Variants in BICDL1 observed in about 807,000 individuals in gnomAD.
The protein encoded by BICDL1 is BICD family-like cargo adapter 1.
Under a neutral mutation model 76.8 loss-of-function variants are expected in BICDL1, and 20 were observed. That is an observed-to-expected ratio of 0.26 (90% CI 0.18 to 0.38). The LOEUF is 0.38. Ranked by LOEUF, BICDL1 falls within the 10% of genes least tolerant of loss-of-function variation. The pLI, the probability that BICDL1 is intolerant of heterozygous loss-of-function variation, is 1.00. For synonymous variants in BICDL1, 383 were observed against 337.1 expected, an observed-to-expected ratio of 1.14 and a Z score of -1.49; for missense variants, 700 against 798.6, an observed-to-expected ratio of 0.88 and a Z score of 1.49.
At chr12:120,060,894 G>A (rs935375194) in intron 2 of BICDL1, among the ~76,000 whole-genome samples, 2 of 152,082 alleles carry the variant, frequency 1.3e-5, no homozygotes, top group Non-Finnish European at 2.9e-5. Flanking sequence ...GATCTCTCCC[G>A]AGAGAACCCA....
chr12:120,049,044 C>T (rs1952803064), intron 2 of BICDL1, among the ~76,000 whole-genome samples: 1 of 152,106 alleles, frequency 6.6e-6, no homozygotes, highest in Non-Finnish European at 1.5e-5. Flanking sequence ...CTGTCACTGT[C>T]CTTAAAAAGC....
intron 4 of BICDL1, among the ~76,000 whole-genome samples, chr12:120,069,683 C>T (rs1009490268): frequency 6.6e-6 from 1 of 152,118 alleles, no homozygotes; most frequent in African/African-American, 2.4e-5. Context: ...ACTCTTTTTC[C>T]CCTTAATTTT....
chr12:120,004,079 C>T (rs534632539), intron 2 of BICDL1, among the ~76,000 whole-genome samples: 15 of 152,318 alleles, frequency 9.8e-5, no homozygotes, highest in Admixed American at 8.5e-4. Flanking sequence ...CTGAGCAGAG[C>T]CTCACGTAGG....
In BICDL1 at chr12:120,092,263, G is replaced by A. The variant is rs568363939; in HGVS notation, c.1705-737G>A. The A allele has an allele frequency of 3.9e-5, 38 of 985,452 alleles. No individual in the cohort carries two copies. The South Asian group carries it at 1.3e-3, about 34-fold the overall frequency. 61.0% of individuals were successfully genotyped at this position (985,452 alleles called of 1,614,324 possible). ...GCTGTTCTGTAAAACATGGTGGGGC[G>A]GGCTGTGGGGAGGAAGGCATTTTCT... On this transcript the variant is annotated intron_variant, in intron 9 of 9. Transcript: ENST00000548673.
rs1047403234 is a variant in BICDL1, at chr12:119,990,862, C to T, written c.429+565C>T. 8.5e-5 allele frequency among the ~76,000 whole-genome samples: 13 copies of T among 152,318 alleles called. No individual in the cohort carries two copies. In the East Asian group the frequency reaches 2.5e-3, roughly 29 times the overall value. On this transcript the variant is annotated intron_variant, in intron 1 of 9. Coordinates refer to ENST00000548673, the MANE Select transcript of BICDL1 (RefSeq NM_001367886.1). ...AGAAATCAGGCGAGCCAGGGCTCAACATGTGACCGCTGGTAGTGGATTTAA... is the reference window on the plus strand; with the variant it reads ...AGAAATCAGGCGAGCCAGGGCTCAATATGTGACCGCTGGTAGTGGATTTAA...
intron 2 of BICDL1, among the ~76,000 whole-genome samples, chr12:120,060,472 G>A (rs1003082018): frequency 6.6e-6 from 1 of 152,130 alleles, no homozygotes; most frequent in Non-Finnish European, 1.5e-5. Flanking sequence ...GTTTTTTAAG[G>A]AGTCAGTTGT....
At chr12:120,083,785 A>G (rs1001326334) in intron 8 of BICDL1, among the ~76,000 whole-genome samples, 1 of 151,154 alleles carries the variant, frequency 6.6e-6, no homozygotes, top group Admixed American at 6.6e-5. Flanking sequence ...TCAGCCAAGT[A>G]GCTGGAATTA....
chr12:119,989,456 G>A lies in BICDL1; in HGVS notation c.-413G>A, dbSNP rs1425605227. 1.2e-5 allele frequency among the ~76,000 whole-genome samples: 1 copy of A among 82,926 alleles called. No individual in the cohort carries two copies. Among genetic ancestry groups the A allele is most frequent in the African/African-American group, 6.0e-5 (1 of 16,644 alleles). The allele number at this position is 82,926 out of a possible 152,430, so 54.4% of individuals were successfully genotyped here. ...CCGCCCCGTGAGGCGCTGCCCGGCC[G>A]GCGGCGGCAGCAGCAGCAGCAGCGG... On this transcript the variant is annotated 5_prime_UTR_variant, in exon 1 of 10. Coordinates refer to ENST00000548673, the MANE Select transcript of BICDL1 (RefSeq NM_001367886.1).
intron 1 of BICDL1, among the ~76,000 whole-genome samples, chr12:119,993,678 G>A (rs1432637084): frequency 6.0e-5 from 9 of 151,172 alleles, no homozygotes; most frequent in East Asian, 1.9e-4. Context: ...GTGCAGTGGC[G>A]TGATACCAGC....
Position 120,064,836 on chromosome 12 carries a change from G to A in BICDL1, c.866G>A (p.Arg289Gln), listed in dbSNP as rs766229828. Residue 289 changes from arginine to glutamine, a missense_variant, in exon 4 of 10, where the codon CGG becomes CAG. By Grantham distance (43) the Arg-to-Gln change is conservative. Transcript: ENST00000548673. ...GGGACCGTGGAGGAGCTACAGGACCGGGTGCTAATCCTGGAGAGGCAGGGC... is the reference window on the plus strand; with the variant it reads ...GGGACCGTGGAGGAGCTACAGGACCAGGTGCTAATCCTGGAGAGGCAGGGC... ...LQGTVEELQD[R>Q]VLILERQGHD... is the part of the protein sequence containing the mutation. The A allele has an allele frequency of 2.5e-6, 4 of 1,613,404 alleles. No homozygotes were observed. The highest frequency in any genetic ancestry group is 3.4e-6 in the Non-Finnish European group (4 of 1,179,658).
At chr12:120,003,898 T>C (rs1951806023) in intron 2 of BICDL1, among the ~76,000 whole-genome samples, 1 of 152,146 alleles carries the variant, frequency 6.6e-6, no homozygotes, top group Non-Finnish European at 1.5e-5. Flanking sequence ...ATTATTTGGG[T>C]TTAGGTATCA....
chr12:120,044,194 GA>G (rs1952700934), intron 2 of BICDL1, among the ~76,000 whole-genome samples: 1 of 152,208 alleles, frequency 6.6e-6, no homozygotes, highest in South Asian at 2.1e-4. Flanking sequence ...CACCAGTTTG[GA>G]AAGCAGTTTT....
intron 2 of BICDL1, among the ~76,000 whole-genome samples, chr12:120,033,367 C>CTTTTTTTTTTTTTTTTTGTTTTTTTTTT (rs1952464009): frequency 1.3e-5 from 1 of 77,624 alleles, no homozygotes; most frequent in Non-Finnish European, 2.2e-5. Flanking sequence ...GAGTTCTTGC[C>CTTTTTTTTTTTTTTTTTGTTTTTTTTTT]TTTTTTTTTT....
chr12:120,055,277 G>A (rs939405952), intron 2 of BICDL1, among the ~76,000 whole-genome samples: 5 of 152,266 alleles, frequency 3.3e-5, no homozygotes, highest in South Asian at 2.1e-4. Flanking sequence ...CTGGATACTC[G>A]TATAAATAAT....
At chr12:120,065,807 G>A (rs972118870) in intron 4 of BICDL1, among the ~76,000 whole-genome samples, 21 of 152,190 alleles carry the variant, frequency 1.4e-4, no homozygotes, top group African/African-American at 4.8e-4. Flanking sequence ...AAAGCCTTGG[G>A]GTATGGGATA....
chr12:120,019,883 A>G (rs1213176627), intron 2 of BICDL1, among the ~76,000 whole-genome samples: 2 of 152,260 alleles, frequency 1.3e-5, no homozygotes, highest in Non-Finnish European at 2.9e-5. Context: ...TTCAGTAATT[A>G]TAGCAAGTAT....
chr12:120,087,389 C>T (rs909246289), intron 8 of BICDL1, among the ~76,000 whole-genome samples: 2 of 152,222 alleles, frequency 1.3e-5, no homozygotes, highest in African/African-American at 4.8e-5. Context: ...ACTAATTGCT[C>T]GGTAGACCTG....
At chr12:120,081,193 A>T (rs866891910) in intron 8 of BICDL1, among the ~76,000 whole-genome samples, 176 bp downstream of exon 8, 1 of 82,446 alleles carries the variant, frequency 1.2e-5, no homozygotes, top group Admixed American at 1.6e-4. Context: ...CCCCAGACAC[A>T]TGCTGGTATT....
chr12:119,990,381 C>T, intron 1 of BICDL1, 84 bp downstream of exon 1: 1 of 1,509,698 alleles, frequency 6.6e-7, no homozygotes, highest in South Asian at 1.3e-5. Flanking sequence ...GAACCACTCA[C>T]CCCCACTTCG....
Sources: gnomAD v4.1 joint callset for allele counts (sites outside exome capture counted in the v4.1 genomes callset) on GRCh38, gnomAD v4.1.1 for gene constraint, MANE v1.5 for transcripts, NCBI Gene and HGNC (gene_info 2026-07-23, HGNC 2026-07-21) for gene names.